The following FSTL4 variants were observed in gnomAD, a reference collection of about 807,000 sequenced individuals.
FSTL4 encodes the protein follistatin like 4.
Under a neutral mutation model 78.2 loss-of-function variants are expected in FSTL4, and 28 were observed. The observed-to-expected ratio is 0.36, with a 90% confidence interval of 0.27 to 0.49. FSTL4 has a LOEUF of 0.49. Ranked by LOEUF, FSTL4 falls within the 20% of genes least tolerant of loss-of-function variation. FSTL4 has a pLI of 0.98. For missense variants in FSTL4, 922 were observed against 1,084.9 expected, an observed-to-expected ratio of 0.85 and a Z score of 2.11; for synonymous variants, 422 against 440.5, an observed-to-expected ratio of 0.96 and a Z score of 0.53.
intron 4 of FSTL4, among the ~76,000 whole-genome samples, chr5:133,342,461 C>T (rs1754603223): frequency 6.6e-6 from 1 of 152,198 alleles, no homozygotes; most frequent in African/African-American, 2.4e-5. Context: ...CTACTTACAG[C>T]ACTGCAGTGA....
intron 3 of FSTL4, among the ~76,000 whole-genome samples, chr5:133,515,687 T>A (rs10479042): frequency 0.011 from 1,653 of 145,336 alleles, 32 homozygotes; most frequent in African/African-American, 0.042. Context: ...CTTTTTTTTT[T>A]TAAAAAAAAG....
intron 6 of FSTL4, among the ~76,000 whole-genome samples, chr5:133,262,065 C>T (rs552036210): frequency 1.4e-4 from 21 of 151,928 alleles, no homozygotes; most frequent in South Asian, 4.1e-4. Context: ...TGGGACCTAA[C>T]GCCATGTCAG....
intron 4 of FSTL4, among the ~76,000 whole-genome samples, chr5:133,392,708 G>C (rs564188833): frequency 6.6e-6 from 1 of 152,232 alleles, no homozygotes; most frequent in African/African-American, 2.4e-5. Flanking sequence ...GGATGAGAGA[G>C]ACTAGGCCGC....
the FSTL4 span, among the ~76,000 whole-genome samples, chr5:133,752,628 T>TAAAA: frequency 0.013 from 1,979 of 149,778 alleles, 46 homozygotes; most frequent in African/African-American, 0.046. Context: ...TAAAATAAAA[T>TAAAA]TAAATTAAAT....
intron 4 of FSTL4, among the ~76,000 whole-genome samples, chr5:133,367,744 T>C (rs998040576): frequency 3.3e-5 from 5 of 151,930 alleles, no homozygotes; most frequent in Admixed American, 3.3e-4. Context: ...ACATCAGGAG[T>C]TGGAAACAAA....
chr5:133,477,586 G>A (rs947540494), intron 3 of FSTL4, among the ~76,000 whole-genome samples: 4 of 152,186 alleles, frequency 2.6e-5, no homozygotes, highest in Non-Finnish European at 5.9e-5. Flanking sequence ...ATCAAACAGT[G>A]CTGTGTGATT....
intron 4 of FSTL4, among the ~76,000 whole-genome samples, chr5:133,399,815 G>C (rs11949423): frequency 0.042 from 6,324 of 152,352 alleles, 161 homozygotes; most frequent in South Asian, 0.073. Flanking sequence ...TCGTAGCTCA[G>C]GCTATGTGGG....
At chr5:133,559,835 G>A (rs1178759305) in intron 3 of FSTL4, among the ~76,000 whole-genome samples, 1 of 152,228 alleles carries the variant, frequency 6.6e-6, no homozygotes, top group Non-Finnish European at 1.5e-5. Context: ...GAGGATGGTA[G>A]TTAAGGAAAG....
In FSTL4 at chr5:133,465,809, G is replaced by A. The variant is rs114277382; in HGVS notation, c.161-64823C>T. ...GGAAGAAAGTCTTAATGAGGACCCTGACAAAGCAGCATGCAACATGGGCAC... is the reference window on the plus strand; with the variant it reads ...GGAAGAAAGTCTTAATGAGGACCCTAACAAAGCAGCATGCAACATGGGCAC... On this transcript the variant is annotated intron_variant, in intron 3 of 15. Transcript: ENST00000265342. 9.1e-3 allele frequency among the ~76,000 whole-genome samples: 1,384 copies of A among 152,344 alleles called. 10 individuals are homozygous for A. The highest frequency in any genetic ancestry group is 0.048 in the Middle Eastern group (14 of 294).
At chr5:133,513,709 T>C (rs1015482825) in intron 3 of FSTL4, among the ~76,000 whole-genome samples, 4 of 152,156 alleles carry the variant, frequency 2.6e-5, no homozygotes, top group Non-Finnish European at 5.9e-5. Context: ...CAGTGGTAAG[T>C]ACACGAGATT....
In FSTL4 at chr5:133,440,039, CTGGGGG is replaced by C. The variant is rs1220050521; in HGVS notation, c.161-39059_161-39054del. Reference sequence around the variant, plus strand: ...CCCACAGTTCTTAGTGAGCAGAGCCCTGGGGGTGGGGGACATGCTGGGGTCGGGAGG... The same window carrying C: ...CCCACAGTTCTTAGTGAGCAGAGCCCTGGGGGACATGCTGGGGTCGGGAGG... On this transcript the variant is annotated intron_variant, in intron 3 of 15. Transcript: ENST00000265342. The surrounding 1 kb of genome is among the most constrained non-coding windows in gnomAD (Gnocchi z 4.1). Among the ~76,000 whole-genome samples the C allele has an allele frequency of 1.3e-5, 2 of 152,188 alleles. No individual in the cohort carries two copies. The highest frequency in any genetic ancestry group is 2.4e-5 in the African/African-American group (1 of 41,502).
At position 133,426,392 on chromosome 5, in the gene FSTL4, T is replaced by G. The variant is rs925537608; in HGVS notation, c.161-25406A>C. On this transcript the variant is annotated intron_variant, in intron 3 of 15. Transcript: ENST00000265342. The surrounding 1 kb of genome is among the most constrained non-coding windows in gnomAD (Gnocchi z 5.0). The stretch of plus-strand genomic sequence containing the variant: ...CTCCTGCATAATGAGCCCATGTCAC[T>G]TCATGGGGGTTCTGGGCAGATGAAT... Among the ~76,000 whole-genome samples, 2 of 152,128 alleles carry G rather than the reference T, an allele frequency of 1.3e-5. No individual in the cohort carries two copies. Among genetic ancestry groups the G allele is most frequent in the African/African-American group, 4.8e-5 (2 of 41,428 alleles).
chr5:133,839,680 T>C, the FSTL4 span, among the ~76,000 whole-genome samples: 1 of 152,166 alleles, frequency 6.6e-6, no homozygotes, highest in Non-Finnish European at 1.5e-5. Flanking sequence ...TAATAAAACA[T>C]TGTGTCTCAA....
At chr5:133,308,815 C>A (rs555558840) in intron 6 of FSTL4, among the ~76,000 whole-genome samples, 1 of 152,212 alleles carries the variant, frequency 6.6e-6, no homozygotes, top group African/African-American at 2.4e-5. Flanking sequence ...GTCTGGCTCC[C>A]CTACATTCAG....
chr5:133,348,847 C>T (rs991978750), intron 4 of FSTL4, among the ~76,000 whole-genome samples: 2 of 152,156 alleles, frequency 1.3e-5, no homozygotes, highest in African/African-American at 2.4e-5. Context: ...GGAAAGTCCC[C>T]AGCATGGAGC....
chr5:133,596,739 T>C (rs1760744242), intron 2 of FSTL4, among the ~76,000 whole-genome samples: 1 of 151,988 alleles, frequency 6.6e-6, no homozygotes, highest in Non-Finnish European at 1.5e-5. Flanking sequence ...CAGCACCAGC[T>C]CTCCCAACCC....
chr5:133,211,955 C>T (rs1358691227), intron 13 of FSTL4, among the ~76,000 whole-genome samples: 2 of 151,894 alleles, frequency 1.3e-5, no homozygotes, highest in African/African-American at 4.8e-5. Context: ...TCCCTTTACT[C>T]TCTTGCTTTA....
intron 3 of FSTL4, among the ~76,000 whole-genome samples, chr5:133,476,729 C>T (rs544573562): frequency 6.6e-6 from 1 of 152,312 alleles, no homozygotes; most frequent in South Asian, 2.1e-4. Context: ...TCCTTCTGAG[C>T]CCTATTTACC....
chr5:133,269,543 C>T (rs1752722094), intron 6 of FSTL4, among the ~76,000 whole-genome samples: 1 of 152,216 alleles, frequency 6.6e-6, no homozygotes, highest in Non-Finnish European at 1.5e-5. Flanking sequence ...CAGGGTCTAA[C>T]GATGGCCACA....
Sources: allele counts gnomAD v4.1 joint callset (sites outside exome capture counted in the v4.1 genomes callset), GRCh38; gene constraint gnomAD v4.1.1; non-coding constraint Gnocchi (gnomAD v3.1); transcripts MANE v1.5; gene names NCBI Gene and HGNC (gene_info 2026-07-23, HGNC 2026-07-21).